ZNF19: variants seen among roughly 807,000 people sequenced by gnomAD.
ZNF19 encodes the protein zinc finger protein 19, also known as zinc finger protein 19 (KOX 12).
ZNF19 carries 11 observed loss-of-function variants against 13.1 expected under a neutral mutation model. That is an observed-to-expected ratio of 0.84 (90% confidence interval 0.53 to 1.39). The LOEUF is 1.39. Among genes scored for constraint, ZNF19 ranks in the 40% most tolerant of loss-of-function variants. ZNF19 has a pLI of 0.00. For missense variants in ZNF19, 560 were observed against 547.0 expected (o/e 1.02, Z -0.24); for synonymous variants, 186 against 187.0 (o/e 0.99, Z 0.04).
At chr16:71,481,959 G>A in intron 3 of ZNF19, 123 bp downstream of exon 3, 1 of 1,006,752 alleles carries the variant, frequency 9.9e-7, no homozygotes, top group South Asian at 1.4e-5. Context: ...CAGTCCTACT[G>A]GAGGGAATCA....
At chr16:71,481,373 T>C (rs1360804070) in intron 3 of ZNF19, among the ~76,000 whole-genome samples, 2 of 152,196 alleles carry the variant, frequency 1.3e-5, no homozygotes, top group Non-Finnish European at 2.9e-5. Flanking sequence ...AGCAACTCCG[T>C]CTCAAAAAGT....
At chr16:71,482,849 G>T (rs530274563) in intron 2 of ZNF19, among the ~76,000 whole-genome samples, 24 of 152,170 alleles carry the variant, frequency 1.6e-4, no homozygotes, top group African/African-American at 5.1e-4. Flanking sequence ...TTACAGGCAT[G>T]TGCCACCACA....
chr16:71,478,822 A>T, intron 4 of ZNF19, 57 bp downstream of exon 4: 1 of 1,590,538 alleles, frequency 6.3e-7, no homozygotes, highest in Admixed American at 1.7e-5. Flanking sequence ...AGGCTGTAAA[A>T]GAAGGAAGGA....
chr16:71,482,008 A>G (rs1392411209), intron 3 of ZNF19, 74 bp downstream of exon 3: 14 of 1,551,514 alleles, frequency 9.0e-6, no homozygotes, highest in Non-Finnish European at 1.2e-5. Flanking sequence ...AAGACTTGCC[A>G]GAATCACCTT....
chr16:71,483,163 G>A (rs1015034742), intron 2 of ZNF19, among the ~76,000 whole-genome samples: 2 of 152,218 alleles, frequency 1.3e-5, no homozygotes, highest in Non-Finnish European at 2.9e-5. Context: ...TGGACCTGGA[G>A]CAGGCATCTT....
chr16:71,475,287 C>T lies in ZNF19; in HGVS notation c.1260G>A (p.Lys420=), dbSNP rs752262390. Residue 420 remains lysine (K), a synonymous_variant, in exon 6 of 6, where the codon AAG becomes AAA. Coordinates refer to ENST00000288177, the MANE Select transcript of ZNF19 (RefSeq NM_006961.4). ...EKPYECSKYE[K]AFGTSSQLGH... Reference sequence around the variant, plus strand: ...CTAGCTGGGAAGAAGTCCCAAAGGCCTTCTCATACTTGCTACACTCATAGG... The same window carrying T: ...CTAGCTGGGAAGAAGTCCCAAAGGCTTTCTCATACTTGCTACACTCATAGG... 1 of 1,614,196 alleles carries T rather than the reference C, an allele frequency of 6.2e-7. No homozygotes were observed. The highest frequency in any genetic ancestry group is 2.2e-5 in the East Asian group (1 of 44,886).
In ZNF19 at chr16:71,474,180, A is replaced by G. The variant is rs1352465249; in HGVS notation, c.*990T>C. 2.6e-5 allele frequency: 4 copies of G among 152,192 alleles called. No homozygotes were observed. The highest frequency in any genetic ancestry group is 4.4e-5 in the Non-Finnish European group (3 of 68,032). The allele number at this position is 152,192 out of a possible 1,614,324, so 9.4% of individuals were successfully genotyped here. A position where few individuals can be genotyped will look rare whatever the true frequency, so the allele number is the denominator to read the frequency against. ...GCCAGCCCTGTTTTCCTACTGAGAG[A>G]TCTCTGCAGTGTGTCTTATGACCAA... On this transcript the variant is annotated 3_prime_UTR_variant, in exon 6 of 6. Transcript: ENST00000288177.
chr16:71,480,872 C>T (rs1175790390), intron 3 of ZNF19, among the ~76,000 whole-genome samples: 1 of 152,214 alleles, frequency 6.6e-6, no homozygotes, highest in African/African-American at 2.4e-5. Flanking sequence ...TTCTGATGTA[C>T]ACTGAAGTCT....
At chr16:71,485,827 C>G (rs951459980) in intron 1 of ZNF19, among the ~76,000 whole-genome samples, 11 of 152,092 alleles carry the variant, frequency 7.2e-5, no homozygotes, top group African/African-American at 2.4e-4. Flanking sequence ...GAGACTTGCG[C>G]AAACATCACC....
chr16:71,480,244 G>A (rs74026826), intron 3 of ZNF19, among the ~76,000 whole-genome samples: 4 of 152,098 alleles, frequency 2.6e-5, no homozygotes, highest in East Asian at 3.9e-4. Context: ...AATACACTCC[G>A]ACCTTCCAAT....
chr16:71,479,211 A>G (rs1392023719), intron 3 of ZNF19: 1 of 599,438 alleles, frequency 1.7e-6, no homozygotes, highest in African/African-American at 1.9e-5. Context: ...AAGAGATTCC[A>G]TTAGGATATA....
intron 3 of ZNF19, among the ~76,000 whole-genome samples, chr16:71,481,533 G>A (rs2043636941): frequency 6.6e-6 from 1 of 152,158 alleles, no homozygotes; most frequent in Non-Finnish European, 1.5e-5. Context: ...CTAACTTCAG[G>A]TGTCCTGTTG....
In ZNF19 at chr16:71,482,107, G is replaced by A. The variant is rs2043640645; in HGVS notation, c.8C>T (p.Ala3Val). ...CTGGTATTGAGCTTTCAGAGGCATGGCTGCCATGACCTGGTCTCCCTCTTA... is the reference window on the plus strand; with the variant it reads ...CTGGTATTGAGCTTTCAGAGGCATGACTGCCATGACCTGGTCTCCCTCTTA... MA[A>V]MPLKAQYQEM... The change falls in exon 3 of 6, where the codon GCC (alanine) becomes GTC (valine). Residue 3 changes from alanine (A) to valine (V), a missense_variant. By Grantham distance (64) the Ala-to-Val change is moderately conservative. Coordinates refer to ENST00000288177, the MANE Select transcript of ZNF19 (RefSeq NM_006961.4). The A allele has an allele frequency of 6.2e-7, 1 of 1,614,006 alleles. No individual in the cohort carries two copies. Among genetic ancestry groups the A allele is most frequent in the Admixed American group, 1.7e-5 (1 of 59,992 alleles).
At position 71,475,997 on chromosome 16, in the gene ZNF19, T is replaced by C. The variant is rs371577988; in HGVS notation, c.550A>G (p.Thr184Ala). ...SYYARHQRIH[T>A]GEKPFECSEC... ...CTACACTCAAAAGGTTTCTCCCCAG[T>C]GTGGATTCTCTGGTGTCTAGCATAG... The change falls in exon 6 of 6, where the codon ACT becomes GCT. Residue 184 changes from threonine to alanine, a missense_variant. Thr to Ala is a moderately conservative substitution (Grantham distance 58). Transcript: ENST00000288177. The C allele has an allele frequency of 6.2e-7, 1 of 1,614,212 alleles. No homozygotes were observed. Among genetic ancestry groups the C allele is most frequent in the Non-Finnish European group, 8.5e-7 (1 of 1,180,024 alleles).
chr16:71,479,593 A>C (rs756394926), intron 3 of ZNF19, among the ~76,000 whole-genome samples: 3 of 152,174 alleles, frequency 2.0e-5, no homozygotes, highest in Non-Finnish European at 2.9e-5. Context: ...GAGGGAGCTC[A>C]GAGTCTCCTG....
chr16:71,485,547 C>T (rs1220999878), intron 1 of ZNF19, among the ~76,000 whole-genome samples: 3 of 146,450 alleles, frequency 2.0e-5, no homozygotes, highest in African/African-American at 5.2e-5. Flanking sequence ...GAAGTGAAAA[C>T]GGTGGACATT....
chr16:71,482,246 T>A (rs1040426545), intron 2 of ZNF19, 103 bp from the exon 3 acceptor site: 1 of 1,006,166 alleles, frequency 9.9e-7, no homozygotes, highest in Non-Finnish European at 1.5e-6. Context: ...ACTTACTAAA[T>A]GCTCACTGGG....
At chr16:71,488,511 A>G (rs1048595069) in intron 1 of ZNF19, among the ~76,000 whole-genome samples, 11 of 151,698 alleles carry the variant, frequency 7.3e-5, no homozygotes, top group Non-Finnish European at 1.6e-4. Context: ...ATTAAAAGTG[A>G]GTTCAGACTG....
intron 4 of ZNF19, 117 bp from the exon 5 acceptor site, chr16:71,478,458 A>G (rs748877742): frequency 1.3e-6 from 1 of 766,624 alleles, no homozygotes; most frequent in South Asian, 1.5e-5. Context: ...CGACTGGAGA[A>G]GGCCAAAGAG....
Sources: allele counts gnomAD v4.1 joint callset (sites outside exome capture counted in the v4.1 genomes callset), GRCh38; gene constraint gnomAD v4.1.1; transcripts MANE v1.5; gene names NCBI Gene and HGNC (gene_info 2026-07-23, HGNC 2026-07-21).